Variants in SYT6 observed in about 807,000 individuals in gnomAD.
SYT6 encodes synaptotagmin-6.
Under a neutral mutation model 38.4 loss-of-function variants are expected in SYT6, and 24 were observed. That is an observed-to-expected ratio of 0.62 (90% CI 0.45 to 0.88). SYT6 has a LOEUF of 0.88. Ranked by LOEUF, SYT6 falls within the 40% of genes least tolerant of loss-of-function variation. SYT6 has a pLI of 0.00. For missense variants in SYT6, 611 were observed against 621.0 expected (o/e 0.98, Z 0.17); for synonymous variants, 265 against 241.9 (o/e 1.10, Z -0.89).
intron 3 of SYT6, among the ~76,000 whole-genome samples, chr1:114,129,039 A>G (rs943661798): frequency 1.1e-4 from 17 of 152,172 alleles, no homozygotes; most frequent in African/African-American, 4.1e-4. Flanking sequence ...TATCTCAAAT[A>G]TGACATGTCC....
intron 3 of SYT6, among the ~76,000 whole-genome samples, chr1:114,119,291 A>T (rs1437322809): frequency 1.3e-5 from 2 of 152,108 alleles, no homozygotes; most frequent in Non-Finnish European, 2.9e-5. Flanking sequence ...TTACTTTCCA[A>T]TTCCATCCCA....
chr1:114,117,956 T>A (rs575454823), intron 3 of SYT6, among the ~76,000 whole-genome samples: 3 of 152,304 alleles, frequency 2.0e-5, no homozygotes, highest in Non-Finnish European at 4.4e-5. Context: ...CAGAGCAAAC[T>A]CTTCAGACAC....
At position 114,139,720 on chromosome 1, in the gene SYT6, T is replaced by A; in HGVS notation, c.407A>T (p.His136Leu). The change falls in exon 2 of 8, where the codon CAC becomes CTC. Residue 136 changes from histidine to leucine, a missense_variant. Transcript: ENST00000610222. ...GFLEAAVKIS[H>L]TSPDIPAEVQ... ...CTCAGCTGGGATATCTGGGGACGTG[T>A]GGCTGATCTTCACGGCCGCCTCCAG... 1 of 1,614,164 alleles carries A rather than the reference T, an allele frequency of 6.2e-7. No homozygotes were observed. The highest frequency in any genetic ancestry group is 8.5e-7 in the Non-Finnish European group (1 of 1,180,032).
intron 3 of SYT6, among the ~76,000 whole-genome samples, chr1:114,115,945 T>C (rs1047916863): frequency 5.3e-5 from 8 of 152,146 alleles, no homozygotes; most frequent in Admixed American, 3.3e-4. Context: ...CCCCACCTTC[T>C]GTCCCTGGTT....
At chr1:114,097,117 T>G (rs1675684180) in intron 6 of SYT6, among the ~76,000 whole-genome samples, 1 of 152,186 alleles carries the variant, frequency 6.6e-6, no homozygotes, top group South Asian at 2.1e-4. Flanking sequence ...GCAGCCCAAG[T>G]CTTGGGACTC....
At chr1:114,103,483 G>T in intron 4 of SYT6, 118 bp downstream of exon 4, 2 of 1,402,978 alleles carry the variant, frequency 1.4e-6, no homozygotes, top group African/African-American at 1.4e-5. Context: ...GGCAGTTTGT[G>T]TCCAGAGCTG....
At chr1:114,103,157 C>T (rs1025444614) in intron 4 of SYT6, among the ~76,000 whole-genome samples, 1 of 152,186 alleles carries the variant, frequency 6.6e-6, no homozygotes, top group Non-Finnish European at 1.5e-5. Flanking sequence ...TGCCATAAGC[C>T]TGCATAGACC....
At position 114,091,939 on chromosome 1, in the gene SYT6, CACTGTTTAG is replaced by C; in HGVS notation, c.*186_*194del. 6.7e-7 allele frequency: 1 copy of C among 1,486,890 alleles called. No individual in the cohort carries two copies. The highest frequency in any genetic ancestry group is 9.1e-7 in the Non-Finnish European group (1 of 1,103,046). 92.1% of individuals were successfully genotyped at this position (1,486,890 alleles called of 1,614,324 possible). ...TGCTGCCGCCACTGCGACTGCACAA[CACTGTTTAG>C]ACGGTTGAACAAGTGCAAAGAGAAC... is the stretch of plus-strand genomic sequence containing the variant. On this transcript the variant is annotated 3_prime_UTR_variant, in exon 8 of 8. Coordinates refer to ENST00000610222, the MANE Select transcript of SYT6 (RefSeq NM_001253772.2).
chr1:114,108,937 A>G (rs1412994225), intron 3 of SYT6, among the ~76,000 whole-genome samples: 1 of 152,238 alleles, frequency 6.6e-6, no homozygotes, highest in Non-Finnish European at 1.5e-5. Flanking sequence ...CAGGAAAGCC[A>G]TAGGAGACCT....
Position 114,090,380 on chromosome 1 carries a change from A to C in SYT6, c.*1754T>G, listed in dbSNP as rs1169209637. 1 of 152,360 alleles carries C rather than the reference A, an allele frequency of 6.6e-6. No homozygotes were observed. The highest frequency in any genetic ancestry group is 1.5e-5 in the Non-Finnish European group (1 of 68,018). The allele number at this position is 152,360 out of a possible 1,614,324, so 9.4% of individuals were successfully genotyped here. A position where few individuals can be genotyped will look rare whatever the true frequency, so the allele number is the denominator to read the frequency against. On this transcript the variant is annotated 3_prime_UTR_variant, in exon 8 of 8. Transcript: ENST00000610222. Reference sequence around the variant, plus strand: ...TACAGGGTGGAGTTTAGGTTTATCTACATTTACTTTTCTAAGCAGAAAATT... The same window carrying C: ...TACAGGGTGGAGTTTAGGTTTATCTCCATTTACTTTTCTAAGCAGAAAATT...
intron 4 of SYT6, among the ~76,000 whole-genome samples, chr1:114,102,086 T>C (rs978747878): frequency 6.6e-6 from 1 of 152,190 alleles, no homozygotes; most frequent in Non-Finnish European, 1.5e-5. Flanking sequence ...AGCTTCACCA[T>C]AGGCTTTCTC....
intron 4 of SYT6, among the ~76,000 whole-genome samples, chr1:114,101,576 T>G (rs72628775): frequency 2.0e-5 from 3 of 152,270 alleles, no homozygotes; most frequent in African/African-American, 7.2e-5. Context: ...CTAGTTTAGA[T>G]CATTGAGAAT....
Position 114,143,738 on chromosome 1 carries a change from C to T in SYT6, c.164-3775G>A, listed in dbSNP as rs1464575894. 2.0e-5 allele frequency among the ~76,000 whole-genome samples: 3 copies of T among 152,218 alleles called. No homozygotes were observed. The East Asian group carries it at 5.8e-4, about 29-fold the overall frequency. On this transcript the variant is annotated intron_variant, in intron 1 of 7. Coordinates refer to ENST00000610222, the MANE Select transcript of SYT6 (RefSeq NM_001253772.2). ...GAGCTGTCCTCCTCCATTCCTGTGG[C>T]TATTCAAGAGCTTTGCTGTAAAACT...
chr1:114,118,099 A>C (rs1227403171), intron 3 of SYT6, among the ~76,000 whole-genome samples: 2 of 152,142 alleles, frequency 1.3e-5, no homozygotes, highest in Non-Finnish European at 2.9e-5. Context: ...GGAGAGGGGG[A>C]CAGGAAGGAG....
intron 3 of SYT6, among the ~76,000 whole-genome samples, chr1:114,136,012 C>T (rs760037993): frequency 1.2e-4 from 19 of 152,128 alleles, no homozygotes; most frequent in Non-Finnish European, 1.9e-4. Flanking sequence ...CTGCTCGCCC[C>T]GTCTGCCTGC....
intron 3 of SYT6, among the ~76,000 whole-genome samples, chr1:114,112,272 C>T (rs183843167): frequency 2.6e-5 from 4 of 152,318 alleles, no homozygotes; most frequent in East Asian, 1.9e-4. Flanking sequence ...GCACGGAGGA[C>T]GTGGGTGAGA....
rs564500635 is a variant in SYT6 at position 114,137,505 on chromosome 1, T to C, written c.1061A>G (p.Tyr354Cys). 6.2e-7 allele frequency: 1 copy of C among 1,613,066 alleles called. No homozygotes were observed. The highest frequency in any genetic ancestry group is 2.2e-5 in the East Asian group (1 of 44,828). Residue 354 changes from tyrosine (Y) to cysteine (C), a missense_variant, in exon 3 of 8, where the codon TAT (tyrosine) becomes TGT (cysteine). Coordinates refer to ENST00000610222, the MANE Select transcript of SYT6 (RefSeq NM_001253772.2). Reference sequence around the variant, plus strand: ...CAGGGCTGTACTTACACTTGTGGCATATTGGATATCCTTCCAGATGGAGGT... The same window carrying C: ...CAGGGCTGTACTTACACTTGTGGCACATTGGATATCCTTCCAGATGGAGGT... ...RETSIWKDIQYATSESVDLGE... is the reference protein window; with the variant it reads ...RETSIWKDIQCATSESVDLGE...
intron 1 of SYT6, among the ~76,000 whole-genome samples, chr1:114,141,155 C>T (rs1678843944): frequency 1.3e-5 from 2 of 152,228 alleles, no homozygotes; most frequent in South Asian, 4.1e-4. Context: ...AAATCAAAAG[C>T]TAGAAATAAT....
At chr1:114,112,092 A>G (rs1311164698) in intron 3 of SYT6, among the ~76,000 whole-genome samples, 1 of 152,134 alleles carries the variant, frequency 6.6e-6, no homozygotes, top group African/African-American at 2.4e-5. Flanking sequence ...TTTACTCTCA[A>G]GTGCTTCTCT....
Sources: gnomAD v4.1 joint callset for allele counts (sites outside exome capture counted in the v4.1 genomes callset) on GRCh38, gnomAD v4.1.1 for gene constraint, MANE v1.5 for transcripts, NCBI Gene and HGNC (gene_info 2026-07-23, HGNC 2026-07-21) for gene names.